ETV1: variants seen among roughly 807,000 people sequenced by gnomAD.
The protein encoded by ETV1 is ETS variant transcription factor 1, also known as ETS translocation variant 1.
A neutral mutation model predicts 62.3 loss-of-function variants in ETV1; 27 were observed. That is an observed-to-expected ratio of 0.43 (90% confidence interval 0.32 to 0.60). The LOEUF (loss-of-function observed/expected upper bound fraction) is 0.60, where lower values mean the gene tolerates loss of function less well. ETV1 is among the 20% of genes least tolerant of loss of function. ETV1 has a pLI of 0.06. For missense variants in ETV1, 605 were observed against 605.8 expected (o/e 1.00, Z 0.01); for synonymous variants, 222 against 199.6 (o/e 1.11, Z -0.94).
intron 13 of ETV1, 30 bp downstream of exon 13, chr7:13,900,708 A>G (rs752428428): frequency 1.3e-5 from 18 of 1,419,612 alleles, no homozygotes; most frequent in South Asian, 3.8e-5. Context: ...CAACATTTCA[A>G]TGAATTTTAA....
At chr7:13,986,050 T>C in intron 5 of ETV1, 1 of 1,283,676 alleles carries the variant, frequency 7.8e-7, no homozygotes. Context: ...ATGGAAAACA[T>C]TTTTAAAATC....
intron 5 of ETV1, among the ~76,000 whole-genome samples, chr7:13,984,128 T>C (rs1460222938): frequency 6.6e-6 from 1 of 152,008 alleles, no homozygotes; most frequent in African/African-American, 2.4e-5. Flanking sequence ...TTGACTCTTA[T>C]GTCTAATAAG....
At position 13,961,210 on chromosome 7, in the gene ETV1, T is replaced by C. The variant is rs557966004; in HGVS notation, c.235+16217A>G. On this transcript the variant is annotated intron_variant, in intron 6 of 13. Transcript: ENST00000430479. ...TATATAAGAATGATTGCACTAATAT[T>C]TGTGAAATACTTTGGGTCAAATACA... 2.6e-5 allele frequency among the ~76,000 whole-genome samples: 4 copies of C among 152,206 alleles called. No homozygotes were observed. The East Asian group carries it at 7.7e-4, about 29-fold the overall frequency.
intron 13 of ETV1, among the ~76,000 whole-genome samples, chr7:13,899,486 A>G (rs1011364149): frequency 2.2e-4 from 33 of 152,224 alleles, no homozygotes; most frequent in African/African-American, 8.0e-4. Context: ...AGGAAAGTCA[A>G]CAGTGCTATT....
chr7:13,899,555 T>C (rs1276877073), intron 13 of ETV1, among the ~76,000 whole-genome samples: 1 of 152,202 alleles, frequency 6.6e-6, no homozygotes, highest in African/African-American at 2.4e-5. Flanking sequence ...GGTAAAACTA[T>C]GGTGACATAA....
chr7:13,969,965 A>G (rs775139821), intron 6 of ETV1, among the ~76,000 whole-genome samples: 4 of 152,062 alleles, frequency 2.6e-5, no homozygotes, highest in Non-Finnish European at 5.9e-5. Context: ...TTGACAAAAT[A>G]TTTAAACTGG....
chr7:13,905,148 T>C (rs1201731724), intron 12 of ETV1, among the ~76,000 whole-genome samples: 2 of 151,960 alleles, frequency 1.3e-5, no homozygotes, highest in East Asian at 1.9e-4. Context: ...TCAGATAATC[T>C]CTTAAATTTC....
chr7:13,915,957 T>A (rs1038930927), intron 9 of ETV1, among the ~76,000 whole-genome samples: 1 of 152,374 alleles, frequency 6.6e-6, no homozygotes, highest in East Asian at 1.9e-4. Context: ...TTGATGTGAA[T>A]GTAACATCTT....
intron 12 of ETV1, 36 bp downstream of exon 12, chr7:13,906,394 T>G: frequency 2.2e-6 from 3 of 1,381,382 alleles, no homozygotes; most frequent in Non-Finnish European, 2.9e-6. Context: ...TGTTATAACA[T>G]GTCTGAGTGT....
At chr7:13,983,431 A>G (rs940352985) in intron 5 of ETV1, among the ~76,000 whole-genome samples, 1 of 152,018 alleles carries the variant, frequency 6.6e-6, no homozygotes, top group African/African-American at 2.4e-5. Flanking sequence ...GTTGTTAAGA[A>G]TAAGACATCA....
chr7:13,921,013 G>A (rs1161648205), intron 9 of ETV1, among the ~76,000 whole-genome samples: 1 of 152,194 alleles, frequency 6.6e-6, no homozygotes, highest in Non-Finnish European at 1.5e-5. Context: ...ATCACTGGAT[G>A]TGTAAAAGAA....
At position 13,911,231 on chromosome 7, in the gene ETV1, C is replaced by T. The variant is rs1173084772; in HGVS notation, c.871+8G>A. ...ATTTACACGGAATTTCAGTGGTGGA[C>T]AACTTAACTTCTGTTCTGCTGGGAT... On this transcript the variant is annotated splice_region_variant and intron_variant, in intron 10 of 13. Coordinates refer to ENST00000430479, the MANE Select transcript of ETV1 (RefSeq NM_004956.5). 4.4e-6 allele frequency: 7 copies of T among 1,606,700 alleles called. No individual in the cohort carries two copies. In the South Asian group the frequency reaches 7.7e-5, roughly 18 times the overall value.
At chr7:13,981,043 G>T (rs769019012) in intron 5 of ETV1, among the ~76,000 whole-genome samples, 20 of 151,794 alleles carry the variant, frequency 1.3e-4, no homozygotes, top group Non-Finnish European at 2.5e-4. Context: ...AAGGTTGGCT[G>T]CAGGGAAGCG....
intron 6 of ETV1, among the ~76,000 whole-genome samples, chr7:13,952,645 A>AC (rs1366473559): frequency 1.3e-5 from 2 of 151,956 alleles, no homozygotes; most frequent in Non-Finnish European, 2.9e-5. Flanking sequence ...GACTACGGGG[A>AC]CCCCCCACTT....
intron 5 of ETV1, among the ~76,000 whole-genome samples, chr7:13,985,880 G>A (rs1281964998): frequency 2.6e-5 from 4 of 152,058 alleles, no homozygotes; most frequent in East Asian, 3.8e-4. Flanking sequence ...AGTTGCATAC[G>A]ATAAAAGATA....
At chr7:13,974,093 T>C (rs1781169061) in intron 6 of ETV1, among the ~76,000 whole-genome samples, 1 of 152,200 alleles carries the variant, frequency 6.6e-6, no homozygotes, top group African/African-American at 2.4e-5. Context: ...AAATATAATA[T>C]ACAAGATGCT....
chr7:13,907,650 G>A (rs947532200), intron 11 of ETV1: 4 of 268,640 alleles, frequency 1.5e-5, no homozygotes, highest in Non-Finnish European at 3.2e-5. Context: ...GAGTGTCTAG[G>A]GCCCTGCAAG....
At chr7:13,924,850 T>A (rs1177386788) in intron 9 of ETV1, among the ~76,000 whole-genome samples, 1 of 152,204 alleles carries the variant, frequency 6.6e-6, no homozygotes, top group African/African-American at 2.4e-5. Flanking sequence ...AGAGCTTTCA[T>A]GATAACAGGA....
At chr7:13,980,361 A>G (rs989955759) in intron 5 of ETV1, among the ~76,000 whole-genome samples, 2 of 152,176 alleles carry the variant, frequency 1.3e-5, no homozygotes, top group Admixed American at 1.3e-4. Flanking sequence ...ATTCAGGGGA[A>G]TACTGTGAAG....
Sources: gnomAD v4.1 joint callset for allele counts (sites outside exome capture counted in the v4.1 genomes callset) on GRCh38, gnomAD v4.1.1 for gene constraint, MANE v1.5 for transcripts, NCBI Gene and HGNC (gene_info 2026-07-23, HGNC 2026-07-21) for gene names.